GALNT1: variants seen among roughly 807,000 people sequenced by gnomAD.
GALNT1 encodes polypeptide N-acetylgalactosaminyltransferase 1.
A neutral mutation model predicts 65.7 loss-of-function variants in GALNT1; 17 were observed. That is an observed-to-expected ratio of 0.26 (90% CI 0.18 to 0.39). The LOEUF (loss-of-function observed/expected upper bound fraction) is 0.39. GALNT1 is among the 10% of genes least tolerant of loss of function. The probability of loss-of-function intolerance (pLI) is 1.00; values close to 1 mark genes in which losing one functional copy is unlikely to be tolerated. For synonymous variants in GALNT1, 210 were observed against 219.7 expected (o/e 0.96, Z 0.39); for missense variants, 460 against 672.8 (o/e 0.68, Z 3.50).
chr18:35,598,446 C>G (rs2046534585), intron 1 of GALNT1, among the ~76,000 whole-genome samples: 1 of 152,136 alleles, frequency 6.6e-6, no homozygotes, highest in African/African-American at 2.4e-5. Context: ...GTGAGATCCA[C>G]TTTCTTAGTT....
intron 1 of GALNT1, among the ~76,000 whole-genome samples, chr18:35,650,062 G>C (rs1366876122): frequency 6.6e-6 from 1 of 152,148 alleles, no homozygotes. Context: ...GAAAATGTGG[G>C]ATGTTTGTTC....
At chr18:35,707,495 A>G (rs564500352) in intron 11 of GALNT1, among the ~76,000 whole-genome samples, 1 of 152,318 alleles carries the variant, frequency 6.6e-6, no homozygotes, top group South Asian at 2.1e-4. Flanking sequence ...CCAGAGTTGT[A>G]TCTGGAACAG....
chr18:35,612,846 C>G (rs919511272), intron 1 of GALNT1, among the ~76,000 whole-genome samples: 19 of 149,874 alleles, frequency 1.3e-4, no homozygotes, highest in African/African-American at 4.7e-4. Context: ...GCCTGGGCAA[C>G]AAGAATGAAA....
intron 1 of GALNT1, among the ~76,000 whole-genome samples, chr18:35,617,231 T>A (rs1321708668): frequency 6.6e-6 from 1 of 152,130 alleles, no homozygotes. Flanking sequence ...GTCTAACTCA[T>A]CTTTGTTCTC....
At chr18:35,664,722 C>T (rs572738147) in intron 3 of GALNT1, among the ~76,000 whole-genome samples, 2 of 152,158 alleles carry the variant, frequency 1.3e-5, no homozygotes, top group Non-Finnish European at 2.9e-5. Flanking sequence ...TACTAGAGTA[C>T]CATAGGCCCA....
At chr18:35,666,059 A>G (rs1402306278) in intron 3 of GALNT1, among the ~76,000 whole-genome samples, 2 of 152,208 alleles carry the variant, frequency 1.3e-5, no homozygotes, top group Non-Finnish European at 2.9e-5. Flanking sequence ...CTTCAAAAAG[A>G]TACCATTGAA....
intron 9 of GALNT1, among the ~76,000 whole-genome samples, chr18:35,695,186 AAAAG>A (rs1429421925): frequency 6.6e-6 from 1 of 152,156 alleles, no homozygotes; most frequent in Non-Finnish European, 1.5e-5. Flanking sequence ...CACCAGAATA[AAAAG>A]AAAGAAGGGA....
At chr18:35,624,825 C>CT (rs1304882142) in intron 1 of GALNT1, among the ~76,000 whole-genome samples, 2 of 152,142 alleles carry the variant, frequency 1.3e-5, no homozygotes, top group Non-Finnish European at 2.9e-5. Context: ...TTTCAATTGT[C>CT]TTTCTTCCTT....
At chr18:35,661,536 T>C (rs1395348089) in intron 2 of GALNT1, among the ~76,000 whole-genome samples, 1 of 151,968 alleles carries the variant, frequency 6.6e-6, no homozygotes, top group Non-Finnish European at 1.5e-5. Flanking sequence ...TAAACTCTCA[T>C]GTATCCATCA....
At chr18:35,697,017 C>A (rs900081104) in intron 9 of GALNT1, among the ~76,000 whole-genome samples, 3 of 152,148 alleles carry the variant, frequency 2.0e-5, no homozygotes, top group Non-Finnish European at 2.9e-5. Flanking sequence ...AGAATGGGTG[C>A]ATTCACAATT....
At chr18:35,699,075 C>A (rs1000131461) in intron 9 of GALNT1, among the ~76,000 whole-genome samples, 195 of 152,346 alleles carry the variant, frequency 1.3e-3, no homozygotes, top group African/African-American at 4.0e-3. Context: ...TCACTCATTT[C>A]TCCTTCCCAG....
intron 1 of GALNT1, among the ~76,000 whole-genome samples, chr18:35,642,425 C>T (rs1406135736): frequency 1.3e-5 from 2 of 152,028 alleles, no homozygotes; most frequent in Non-Finnish European, 1.5e-5. Context: ...TAAAGATACT[C>T]GTGAGGTTAA....
chr18:35,581,821 C>T lies in GALNT1; in HGVS notation c.-145C>T, dbSNP rs2046321304. 2.6e-3 allele frequency: 2 copies of T among 766 alleles called. No homozygotes were observed. Among genetic ancestry groups the T allele is most frequent in the African/African-American group, 0.2 (2 of 10 alleles). 0.0% of individuals were successfully genotyped at this position (766 alleles called of 1,614,324 possible). ...ACCGGCCGCGACCGCCGCGGCCGGC[C>T]CGGAGGACGCCTGCCGCCGCCGCCG... On this transcript the variant is annotated 5_prime_UTR_variant, in exon 1 of 12. Transcript: ENST00000269195.
At chr18:35,671,505 A>G (rs557989487) in intron 3 of GALNT1, among the ~76,000 whole-genome samples, 14 of 152,332 alleles carry the variant, frequency 9.2e-5, no homozygotes, top group Admixed American at 9.2e-4. Context: ...GACTTGATCT[A>G]CATGTATTAT....
intron 6 of GALNT1, 31 bp downstream of exon 6, chr18:35,687,217 G>C (rs1459976640): frequency 6.2e-7 from 1 of 1,600,676 alleles, no homozygotes; most frequent in African/African-American, 1.3e-5. Context: ...TTTGCCTAAA[G>C]TGTTATTGGC....
chr18:35,668,237 G>A (rs2047576904), intron 3 of GALNT1, among the ~76,000 whole-genome samples: 1 of 152,050 alleles, frequency 6.6e-6, no homozygotes, highest in South Asian at 2.1e-4. Flanking sequence ...TAGAGGAACA[G>A]CAAAGTCAAA....
intron 1 of GALNT1, among the ~76,000 whole-genome samples, chr18:35,640,440 GT>G (rs1222885118): frequency 6.6e-6 from 1 of 152,198 alleles, no homozygotes; most frequent in East Asian, 1.9e-4. Context: ...ATTGGAAGAT[GT>G]TAGGAAAGGT....
At position 35,629,544 on chromosome 18, in the gene GALNT1, C is replaced by T. The variant is rs140067630; in HGVS notation, c.-103-25016C>T. Among the ~76,000 whole-genome samples the T allele has an allele frequency of 4.5e-4, 69 of 152,210 alleles. No homozygotes were observed. In the East Asian group the frequency reaches 0.012, roughly 27 times the overall value. Reference sequence around the variant, plus strand: ...GAGATTTTGTCACCACCAGGCCTGCCCTACGAGAGCTCCTAAAGGAAACAC... The same window carrying T: ...GAGATTTTGTCACCACCAGGCCTGCTCTACGAGAGCTCCTAAAGGAAACAC... On this transcript the variant is annotated intron_variant, in intron 1 of 11. Coordinates refer to ENST00000269195, the MANE Select transcript of GALNT1 (RefSeq NM_020474.4).
intron 1 of GALNT1, among the ~76,000 whole-genome samples, chr18:35,643,862 T>A (rs1268101117): frequency 6.6e-6 from 1 of 152,132 alleles, no homozygotes; most frequent in African/African-American, 2.4e-5. Context: ...ATTTAACCCA[T>A]TGGTGTTTCA....
Sources: gnomAD v4.1 joint callset for allele counts (sites outside exome capture counted in the v4.1 genomes callset) on GRCh38, gnomAD v4.1.1 for gene constraint, MANE v1.5 for transcripts, NCBI Gene and HGNC (gene_info 2026-07-23, HGNC 2026-07-21) for gene names.